The following ROR1 variants were observed in gnomAD, a reference collection of about 807,000 sequenced individuals.
ROR1 encodes ROR family WNT receptor 1, also known as inactive tyrosine-protein kinase transmembrane receptor ROR1.
ROR1 carries 19 observed loss-of-function variants against 78.8 expected under a neutral mutation model. That is an observed-to-expected ratio of 0.24 (90% CI 0.17 to 0.35). The LOEUF (loss-of-function observed/expected upper bound fraction) is 0.35, where lower values mean the gene tolerates loss of function less well. Ranked by LOEUF, ROR1 falls within the 10% of genes least tolerant of loss-of-function variation. ROR1 has a pLI of 1.00. For missense variants in ROR1, 917 were observed against 1,177.8 expected, an observed-to-expected ratio of 0.78 and a Z score of 3.24; for synonymous variants, 386 against 433.6, an observed-to-expected ratio of 0.89 and a Z score of 1.36.
chr1:64,157,335 C>T (rs189778723), intron 7 of ROR1, among the ~76,000 whole-genome samples: 80 of 152,122 alleles, frequency 5.3e-4, no homozygotes, highest in African/African-American at 1.8e-3. Context: ...GATGGGGTTT[C>T]GCCATGTTGC....
chr1:64,087,005 ACC>A (rs1647160401), intron 4 of ROR1, among the ~76,000 whole-genome samples: 1 of 152,176 alleles, frequency 6.6e-6, no homozygotes, highest in Admixed American at 6.6e-5. Flanking sequence ...ATTTCTGTAT[ACC>A]ATGTACTTGA....
chr1:64,041,380 A>G (rs1426087203), intron 2 of ROR1, among the ~76,000 whole-genome samples: 1 of 152,202 alleles, frequency 6.6e-6, no homozygotes, highest in Non-Finnish European at 1.5e-5. Flanking sequence ...AAAAGGAAAA[A>G]GTAGTTTCCC....
chr1:64,152,056 A>G (rs963178599), intron 7 of ROR1, among the ~76,000 whole-genome samples: 3 of 152,212 alleles, frequency 2.0e-5, no homozygotes, highest in Non-Finnish European at 4.4e-5. Context: ...AATGATTCCA[A>G]CTGCTCAAAA....
intron 1 of ROR1, among the ~76,000 whole-genome samples, chr1:63,891,875 C>T (rs1284275535): frequency 1.3e-5 from 2 of 152,120 alleles, no homozygotes; most frequent in African/African-American, 4.8e-5. Flanking sequence ...CACTGACTTT[C>T]TGGTTCTCTC....
At chr1:63,996,088 A>G (rs1164659159) in intron 1 of ROR1, among the ~76,000 whole-genome samples, 3 of 152,150 alleles carry the variant, frequency 2.0e-5, no homozygotes, top group African/African-American at 4.8e-5. Context: ...ACTACCTACT[A>G]TGAGTTTGGT....
intron 1 of ROR1, among the ~76,000 whole-genome samples, chr1:63,807,897 T>C (rs542012685): frequency 2.0e-5 from 3 of 152,146 alleles, no homozygotes; most frequent in Non-Finnish European, 4.4e-5. Flanking sequence ...GGGGAGGGAC[T>C]GAAATTTATT....
intron 1 of ROR1, among the ~76,000 whole-genome samples, chr1:63,979,738 G>A (rs2100507434): frequency 6.6e-6 from 1 of 152,294 alleles, no homozygotes; most frequent in East Asian, 1.9e-4. Flanking sequence ...CCTGGAAAGG[G>A]CACATGATGA....
chr1:64,113,630 T>G (rs1192476605), intron 4 of ROR1: 1 of 152,010 alleles, frequency 6.6e-6, no homozygotes, highest in African/African-American at 2.4e-5. Context: ...AAAACTCACA[T>G]TGGGAACAAT....
chr1:64,176,481 G>A lies in ROR1; in HGVS notation c.1387-947G>A, dbSNP rs142708621. On this transcript the variant is annotated intron_variant, in intron 8 of 8. Transcript: ENST00000371079. ...ACAATTATTATCATCCCATTTTATA[G>A]ATGAAGGAATTGAGGCAAAAGTTAA... 3.1e-3 allele frequency among the ~76,000 whole-genome samples: 328 copies of A among 104,564 alleles called. 1 individual carries two copies. Among genetic ancestry groups the A allele is most frequent in the Middle Eastern group, 8.2e-3 (2 of 244 alleles). 68.6% of individuals were successfully genotyped at this position (104,564 alleles called of 152,430 possible).
In ROR1 at chr1:63,789,306, G is replaced by A. The variant is rs1644711418; in HGVS notation, c.91+14798G>A. 5.8e-6 allele frequency: 3 copies of A among 521,596 alleles called. No homozygotes were observed. The Admixed American group carries it at 7.4e-5, about 13-fold the overall frequency. 32.3% of individuals were successfully genotyped at this position (521,596 alleles called of 1,614,324 possible). On this transcript the variant is annotated intron_variant, in intron 1 of 8. Coordinates refer to ENST00000371079, the MANE Select transcript of ROR1 (RefSeq NM_005012.4). ...CTTCTGAAGCCTGAGCATACTCATG[G>A]CTGTGACCATAGCAGTGAAAGGTGA...
chr1:64,173,122 G>A (rs906839116), intron 8 of ROR1, among the ~76,000 whole-genome samples: 1 of 152,210 alleles, frequency 6.6e-6, no homozygotes, highest in Non-Finnish European at 1.5e-5. Flanking sequence ...TTGTTCCCCT[G>A]AAACCAAGCT....
At chr1:63,797,256 C>T (rs2100248300) in intron 1 of ROR1, among the ~76,000 whole-genome samples, 1 of 152,272 alleles carries the variant, frequency 6.6e-6, no homozygotes, top group Non-Finnish European at 1.5e-5. Flanking sequence ...AACCAAGGCT[C>T]AGAGTGGTGA....
At chr1:64,025,919 C>T (rs1646605588) in intron 2 of ROR1, among the ~76,000 whole-genome samples, 1 of 152,124 alleles carries the variant, frequency 6.6e-6, no homozygotes. Flanking sequence ...TCAATGTTTA[C>T]TGCTTAGGTG....
rs200074680 is a variant in ROR1 at position 64,142,525 on chromosome 1, T to C, written c.1049T>C (p.Leu350Pro). 1.7e-5 allele frequency: 28 copies of C among 1,614,034 alleles called. No homozygotes were observed. The highest frequency in any genetic ancestry group is 2.4e-5 in the Non-Finnish European group (28 of 1,180,022). ...CCCCACACACACACTTTCACCGCCC[T>C]TCGTTTCCCAGAGCTGAATGGAGGC... ...QYPHTHTFTALRFPELNGGHS... is the reference protein window; with the variant it reads ...QYPHTHTFTAPRFPELNGGHS... Residue 350 changes from leucine to proline, a missense_variant, in exon 7 of 9, where the codon CTT becomes CCT. Around this residue, in one of 3 missense-constraint regions of ROR1, gnomAD observed 835 missense variants for 1,069.8 expected, o/e 0.78. Coordinates refer to ENST00000371079, the MANE Select transcript of ROR1 (RefSeq NM_005012.4).
chr1:63,881,293 A>AT (rs1238519635), intron 1 of ROR1, among the ~76,000 whole-genome samples: 1 of 152,130 alleles, frequency 6.6e-6, no homozygotes, highest in African/African-American at 2.4e-5. Context: ...CATGATATAC[A>AT]TTTTTTTAAT....
At chr1:64,164,422 A>C (rs752863791) in intron 8 of ROR1, among the ~76,000 whole-genome samples, 3 of 152,218 alleles carry the variant, frequency 2.0e-5, no homozygotes, top group South Asian at 2.1e-4. Context: ...TGGCCACAAG[A>C]TCTTAAGCAA....
intron 1 of ROR1, among the ~76,000 whole-genome samples, chr1:63,970,457 A>G (rs1390332883): frequency 6.6e-6 from 1 of 152,152 alleles, no homozygotes; most frequent in African/African-American, 2.4e-5. Flanking sequence ...TAACACACCA[A>G]TTGTTTTGTT....
intron 1 of ROR1, among the ~76,000 whole-genome samples, chr1:63,953,271 T>C (rs1310628443): frequency 2.0e-5 from 3 of 152,162 alleles, no homozygotes; most frequent in African/African-American, 7.2e-5. Flanking sequence ...TTTCCTTGTC[T>C]ATAGAATAAT....
At position 63,868,204 on chromosome 1, in the gene ROR1, G is replaced by A. The variant is rs538962937; in HGVS notation, c.91+93696G>A. On this transcript the variant is annotated intron_variant, in intron 1 of 8. Coordinates refer to ENST00000371079, the MANE Select transcript of ROR1 (RefSeq NM_005012.4). Reference sequence around the variant, plus strand: ...ACAATTGCTCTTTCTACCTGTTCCCGTGGGTTTTCTGTCATTTTATCACTC... The same window carrying A: ...ACAATTGCTCTTTCTACCTGTTCCCATGGGTTTTCTGTCATTTTATCACTC... Among the ~76,000 whole-genome samples, 8 of 152,142 alleles carry A rather than the reference G, an allele frequency of 5.3e-5. 1 individual carries two copies. The South Asian group carries it at 8.3e-4, about 16-fold the overall frequency.
Sources: allele counts gnomAD v4.1 joint callset (sites outside exome capture counted in the v4.1 genomes callset), GRCh38; gene constraint gnomAD v4.1.1; regional missense constraint gnomAD v4.1.1; transcripts MANE v1.5; gene names NCBI Gene and HGNC (gene_info 2026-07-23, HGNC 2026-07-21).